Variants in ILDR1 observed in about 807,000 individuals in gnomAD.
ILDR1 encodes immunoglobulin like domain containing receptor 1, also known as immunoglobulin-like domain-containing receptor 1.
In ILDR1, 56 loss-of-function variants were observed where a neutral mutation model predicts 62.4. The observed-to-expected ratio is 0.90, with a 90% CI of 0.72 to 1.12. The LOEUF (loss-of-function observed/expected upper bound fraction) is 1.12, where lower values mean the gene tolerates loss of function less well. Among genes scored for constraint, ILDR1 ranks in the 50% most tolerant of loss-of-function variants. The pLI is 0.00. For missense variants in ILDR1, 736 were observed against 710.6 expected (o/e 1.04, Z -0.41); for synonymous variants, 284 against 277.8 (o/e 1.02, Z -0.22).
At chr3:122,011,850 C>T (rs372588954) in intron 1 of ILDR1, among the ~76,000 whole-genome samples, 1 of 152,042 alleles carries the variant, frequency 6.6e-6, no homozygotes, top group African/African-American at 2.4e-5. Flanking sequence ...AGGCAACAGC[C>T]CTGCTCATAT....
chr3:121,994,842 G>A (rs2071413187), intron 5 of ILDR1, among the ~76,000 whole-genome samples: 2 of 152,164 alleles, frequency 1.3e-5, no homozygotes, highest in Admixed American at 1.3e-4. Flanking sequence ...ATTTCTAGCT[G>A]GCATGCCAAC....
At chr3:122,030,773 T>C in the ILDR1 span, among the ~76,000 whole-genome samples, 1 of 152,260 alleles carries the variant, frequency 6.6e-6, no homozygotes, top group Admixed American at 6.5e-5. Flanking sequence ...AATATCCTAT[T>C]CTTTCCAGCT....
In ILDR1 at chr3:121,993,786, G is replaced by T; in HGVS notation, c.963C>A (p.Gly321=). Residue 321 remains glycine (G), a synonymous_variant, in exon 7 of 8, where the codon GGC becomes GGA. Transcript: ENST00000344209. The part of the protein sequence containing the change: ...GHPCSMLSSL[G]SEVVERRIIH... ...TGATTCTGCGTTCCACGACCTCAGA[G>T]CCCAGGGAGGACAGCATGCTGCAGG... is the stretch of plus-strand genomic sequence containing the variant. The T allele has an allele frequency of 1.9e-6, 3 of 1,614,108 alleles. No homozygotes were observed. The highest frequency in any genetic ancestry group is 1.3e-5 in the African/African-American group (1 of 75,020).
At chr3:122,029,112 T>C in the ILDR1 span, among the ~76,000 whole-genome samples, 1 of 152,186 alleles carries the variant, frequency 6.6e-6, no homozygotes, top group Non-Finnish European at 1.5e-5. Context: ...GTTGTGTGAA[T>C]AAAGAAGCTG....
At chr3:122,045,260 T>G in the ILDR1 span, among the ~76,000 whole-genome samples, 15 of 149,430 alleles carry the variant, frequency 1.0e-4, no homozygotes, top group African/African-American at 2.4e-4. Context: ...AGTTCTAGTT[T>G]GATTGCACTG....
At chr3:122,053,951 A>G in the ILDR1 span, among the ~76,000 whole-genome samples, 31 of 152,160 alleles carry the variant, frequency 2.0e-4, no homozygotes, top group Non-Finnish European at 3.8e-4. Context: ...TATAAATACT[A>G]TTTTATTTGC....
chr3:122,032,318 A>C, the ILDR1 span, among the ~76,000 whole-genome samples: 1 of 152,370 alleles, frequency 6.6e-6, no homozygotes, highest in East Asian at 1.9e-4. Context: ...TTCATTTCTG[A>C]ATAGTATTCC....
At chr3:122,020,204 T>C (rs1051001952) in intron 1 of ILDR1, among the ~76,000 whole-genome samples, 1 of 152,252 alleles carries the variant, frequency 6.6e-6, no homozygotes, top group African/African-American at 2.4e-5. Context: ...CTAGCTAATA[T>C]TGATTAAGCT....
At chr3:122,034,424 T>C in the ILDR1 span, among the ~76,000 whole-genome samples, 23,436 of 152,088 alleles carry the variant, frequency 0.15, 1,861 homozygotes, top group East Asian at 0.22. Context: ...AGAACTGAGG[T>C]CACAGGGCAA....
the ILDR1 span, among the ~76,000 whole-genome samples, chr3:122,056,960 G>A: frequency 6.6e-6 from 1 of 152,180 alleles, no homozygotes; most frequent in Non-Finnish European, 1.5e-5. Flanking sequence ...AGTGCCTGAA[G>A]ATTGGTCATG....
At chr3:122,010,073 T>C (rs1440696290) in intron 1 of ILDR1, among the ~76,000 whole-genome samples, 2 of 152,146 alleles carry the variant, frequency 1.3e-5, no homozygotes, top group African/African-American at 2.4e-5. Flanking sequence ...AGAACTAAGA[T>C]CACGCATGAG....
rs147965995 is a variant in ILDR1 at position 122,001,144 on chromosome 3, C to A, written c.646+164G>T. On this transcript the variant is annotated intron_variant, in intron 5 of 7. Transcript: ENST00000344209. ...CTTCCATGTGGCTACCTAGCCTCCC[C>A]AGGCATCATTTTCAGGGCTGAGGCT... 5.7e-3 allele frequency among the ~76,000 whole-genome samples: 864 copies of A among 152,318 alleles called. 8 individuals are homozygous for A. Among genetic ancestry groups the A allele is most frequent in the Middle Eastern group, 0.014 (4 of 294 alleles).
At chr3:122,033,402 T>A in the ILDR1 span, among the ~76,000 whole-genome samples, 1 of 152,080 alleles carries the variant, frequency 6.6e-6, no homozygotes, top group Non-Finnish European at 1.5e-5. Flanking sequence ...CCTTTGTGAT[T>A]TTACAAGTTC....
At position 122,001,702 on chromosome 3, in the gene ILDR1, C is replaced by T. The variant is rs73855490; in HGVS notation, c.499+43G>A. The T allele has an allele frequency of 1.0e-3, 1,610 of 1,596,102 alleles. 14 individuals carry two copies. The African/African-American group carries it at 0.018, about 18-fold the overall frequency. Reference sequence around the variant, plus strand: ...TTTTTTCCTGTGAGTAAAAGTGTTACGGCAGTGAGGGTGACTGAATAGAAA... The same window carrying T: ...TTTTTTCCTGTGAGTAAAAGTGTTATGGCAGTGAGGGTGACTGAATAGAAA... On this transcript the variant is annotated intron_variant, in intron 4 of 7. Transcript: ENST00000344209.
the ILDR1 span, among the ~76,000 whole-genome samples, chr3:122,046,821 T>C: frequency 7.3e-6 from 1 of 136,134 alleles, no homozygotes; most frequent in Non-Finnish European, 1.6e-5. Flanking sequence ...TACATTCTTC[T>C]AAATTTTTTT....
chr3:122,030,852 A>G, the ILDR1 span, among the ~76,000 whole-genome samples: 3 of 152,164 alleles, frequency 2.0e-5, no homozygotes, highest in African/African-American at 7.2e-5. Context: ...TAAAGTTCCC[A>G]GGTGGTTCTA....
the ILDR1 span, chr3:122,055,575 TGG>T: frequency 7.1e-7 from 1 of 1,408,112 alleles, no homozygotes. Context: ...AGGTTGAAGA[TGG>T]TGCTTTGATG....
the ILDR1 span, among the ~76,000 whole-genome samples, chr3:122,042,138 T>G: frequency 1.0e-5 from 1 of 99,564 alleles, no homozygotes; most frequent in Admixed American, 1.1e-4. Flanking sequence ...CATTGTTCAA[T>G]TCCCACCTAT....
the ILDR1 span, among the ~76,000 whole-genome samples, chr3:122,047,799 C>A: frequency 6.6e-6 from 1 of 152,386 alleles, no homozygotes; most frequent in South Asian, 2.1e-4. Context: ...ACCCACTGGC[C>A]TGCGCCCACT....
Sources: allele counts gnomAD v4.1 joint callset (sites outside exome capture counted in the v4.1 genomes callset), GRCh38; gene constraint gnomAD v4.1.1; transcripts MANE v1.5; gene names NCBI Gene and HGNC (gene_info 2026-07-23, HGNC 2026-07-21).